Variants in DMD observed in about 807,000 individuals in gnomAD.
DMD encodes dystrophin.
DMD carries 63 observed loss-of-function variants against 330.1 expected under a neutral mutation model. That is an observed-to-expected ratio of 0.19 (90% CI 0.16 to 0.24). The LOEUF is 0.24. Ranked by LOEUF, DMD falls within the 10% of genes least tolerant of loss-of-function variation. The probability of loss-of-function intolerance (pLI) is 1.00; values close to 1 mark genes in which losing one functional copy is unlikely to be tolerated. For missense variants in DMD, 3,344 were observed against 2,684.1 expected (o/e 1.25, Z -5.43); for synonymous variants, 1,223 against 959.8 (o/e 1.27, Z -5.07).
rs1048854739 is a variant in DMD, at chrX:31,641,501, C to CAAA, written c.8028-13642_8028-13640dup. Among the ~76,000 whole-genome samples the CAAA allele has an allele frequency of 9.2e-3, 308 of 33,444 alleles. 4 individuals are homozygous for CAAA. Among genetic ancestry groups the CAAA allele is most frequent in the Non-Finnish European group, 0.011 (187 of 16,896 alleles). The allele number at this position is 33,444 out of a possible 115,157, so 29.0% of individuals were successfully genotyped here. On this transcript the variant is annotated intron_variant, in intron 54 of 78. Transcript: ENST00000357033. ...TGGGCAAGAGAGCGAGACTCCGTCT[C>CAAA]AAAAAAAAAAAAAAAAAAAAAGGAA...
intron 16 of DMD, among the ~76,000 whole-genome samples, chrX:32,563,957 C>A (rs1333189168): frequency 9.0e-6 from 1 of 111,509 alleles, no homozygotes; most frequent in Non-Finnish European, 1.9e-5. Context: ...TATTTCATCA[C>A]CCAGGTATTA....
chrX:32,418,491 C>T (rs1410911081), intron 29 of DMD, among the ~76,000 whole-genome samples: 1 of 111,501 alleles, frequency 9.0e-6, no homozygotes, highest in Non-Finnish European at 1.9e-5. Flanking sequence ...GTTTTATATC[C>T]GTCTACCAAC....
chrX:32,427,118 T>C (rs1478966943), intron 29 of DMD, among the ~76,000 whole-genome samples: 1 of 111,922 alleles, frequency 8.9e-6, no homozygotes, highest in Non-Finnish European at 1.9e-5. Context: ...AAACAACAGC[T>C]AGATCTGTTG....
intron 13 of DMD, among the ~76,000 whole-genome samples, chrX:32,576,666 A>G (rs2053086680): frequency 1.2e-5 from 1 of 84,700 alleles, no homozygotes; most frequent in African/African-American, 4.7e-5. Context: ...TTCATTTAAT[A>G]TTTTCTGACT....
chrX:31,208,089 A>T (rs1340591545), intron 65 of DMD, among the ~76,000 whole-genome samples: 1 of 112,040 alleles, frequency 8.9e-6, no homozygotes, highest in East Asian at 2.8e-4. Context: ...GGTAAAAAGA[A>T]AAAGGAGAAA....
intron 1 of DMD, among the ~76,000 whole-genome samples, chrX:33,306,144 T>A (rs1013745323): frequency 8.9e-6 from 1 of 111,807 alleles, no homozygotes; most frequent in African/African-American, 3.2e-5. Context: ...AAAAAGGCCA[T>A]AGAGACAAGT....
At chrX:32,181,345 G>A in intron 44 of DMD, among the ~76,000 whole-genome samples, 2 of 111,960 alleles carry the variant, frequency 1.8e-5, no homozygotes, top group Admixed American at 1.9e-4. Flanking sequence ...GCTGCCTGAT[G>A]AGAACTTTTT....
At chrX:32,376,690 G>A (rs965274299) in intron 34 of DMD, among the ~76,000 whole-genome samples, 8 of 110,395 alleles carry the variant, frequency 7.2e-5, no homozygotes, top group Middle Eastern at 4.7e-3. Flanking sequence ...CGGTAAGGAG[G>A]TGAAATGAGT....
chrX:32,821,640 C>T (rs919279309), intron 5 of DMD, among the ~76,000 whole-genome samples: 6 of 109,843 alleles, frequency 5.5e-5, no homozygotes, highest in African/African-American at 2.0e-4. Context: ...TCAAGTTTAC[C>T]GAATGAAGCC....
chrX:33,137,697 T>C (rs1209673355), intron 1 of DMD, among the ~76,000 whole-genome samples: 1 of 111,729 alleles, frequency 9.0e-6, no homozygotes, highest in Non-Finnish European at 1.9e-5. Context: ...AATAATTGCT[T>C]GATAAATAAT....
chrX:31,407,064 G>A (rs973750755), intron 60 of DMD, among the ~76,000 whole-genome samples: 18 of 112,543 alleles, frequency 1.6e-4, no homozygotes, highest in African/African-American at 5.8e-4. Flanking sequence ...CTCTGCTCAT[G>A]AAATTCAGTT....
intron 2 of DMD, among the ~76,000 whole-genome samples, chrX:32,958,145 AAT>A (rs1355145548): frequency 1.8e-5 from 2 of 111,655 alleles, no homozygotes; most frequent in Admixed American, 9.6e-5. Context: ...GTTAAAATCA[AAT>A]ATGTTCGTTC....
At chrX:31,596,419 C>A (rs1389029685) in intron 55 of DMD, among the ~76,000 whole-genome samples, 1 of 111,894 alleles carries the variant, frequency 8.9e-6, no homozygotes, top group Non-Finnish European at 1.9e-5. Flanking sequence ...TATGGACACT[C>A]CAATTTGACA....
chrX:32,539,595 T>G (rs1483975235), intron 17 of DMD, among the ~76,000 whole-genome samples: 1 of 111,254 alleles, frequency 9.0e-6, no homozygotes, highest in Non-Finnish European at 1.9e-5. Flanking sequence ...GCCATACAAC[T>G]TTCAGATTTT....
intron 1 of DMD, among the ~76,000 whole-genome samples, chrX:33,050,443 C>T (rs1157058509): frequency 9.0e-6 from 1 of 111,546 alleles, no homozygotes; most frequent in Non-Finnish European, 1.9e-5. Context: ...AAAAATACCG[C>T]TGGAAAAAAT....
chrX:32,795,996 T>C (rs2076154015), intron 7 of DMD, among the ~76,000 whole-genome samples: 1 of 111,540 alleles, frequency 9.0e-6, no homozygotes, highest in South Asian at 3.7e-4. Flanking sequence ...TCTTAATACA[T>C]TGTTGTAGTT....
intron 63 of DMD, among the ~76,000 whole-genome samples, chrX:31,242,299 T>C (rs1375278713): frequency 1.2e-5 from 1 of 82,041 alleles, no homozygotes; most frequent in East Asian, 3.8e-4. Flanking sequence ...AAATCTGGAG[T>C]AGATTCTCAG....
At chrX:32,668,379 C>T (rs778293724) in intron 9 of DMD, among the ~76,000 whole-genome samples, 2 of 111,928 alleles carry the variant, frequency 1.8e-5, no homozygotes, top group South Asian at 7.4e-4. Flanking sequence ...AATGTAATCA[C>T]TATCAAAACT....
At chrX:32,635,172 G>A (rs1451595709) in intron 11 of DMD, among the ~76,000 whole-genome samples, 1 of 111,405 alleles carries the variant, frequency 9.0e-6, no homozygotes, top group East Asian at 2.8e-4. Context: ...TCTCCCTTCT[G>A]CAAGCACATA....
Sources: allele counts gnomAD v4.1 joint callset (sites outside exome capture counted in the v4.1 genomes callset), GRCh38; gene constraint gnomAD v4.1.1; transcripts MANE v1.5; gene names NCBI Gene and HGNC (gene_info 2026-07-23, HGNC 2026-07-21).